Variants in GDPD4 observed in about 807,000 individuals in gnomAD.
GDPD4 encodes the protein glycerophosphodiester phosphodiesterase domain containing 4.
A neutral mutation model predicts 67.8 loss-of-function variants in GDPD4; 60 were observed. The ratio of observed to expected loss-of-function variants is 0.88; its 90% CI spans 0.72 to 1.10. The LOEUF (loss-of-function observed/expected upper bound fraction) is 1.10, where lower values mean the gene tolerates loss of function less well. GDPD4 is among the 50% of genes least tolerant of loss of function. GDPD4 has a pLI of 0.00. For synonymous variants in GDPD4, 212 were observed against 210.9 expected (o/e 1.00, Z -0.04); for missense variants, 623 against 613.9 (o/e 1.01, Z -0.16).
intron 10 of GDPD4, among the ~76,000 whole-genome samples, chr11:77,258,938 C>G (rs188027671): frequency 2.0e-4 from 30 of 152,238 alleles, no homozygotes; most frequent in Non-Finnish European, 2.2e-4. Context: ...TGATCCTTTC[C>G]CAGCTAGGCA....
rs1959112409 is a variant in GDPD4 at position 77,261,286 on chromosome 11, G to A, written c.708-2744C>T. Among the ~76,000 whole-genome samples the A allele has an allele frequency of 2.0e-5, 3 of 151,600 alleles. No homozygotes were observed. In the South Asian group the frequency reaches 6.2e-4, roughly 32 times the overall value. On this transcript the variant is annotated intron_variant, in intron 10 of 16. Transcript: ENST00000315938. Reference sequence around the variant, plus strand: ...AGAATCTTACTCTGTCACCCAGGCTGGAGTGTAGCGGTGCCATCTCAGTTC... The same window carrying A: ...AGAATCTTACTCTGTCACCCAGGCTAGAGTGTAGCGGTGCCATCTCAGTTC...
Position 77,268,927 on chromosome 11 carries a change from G to A in GDPD4, c.621C>T (p.Pro207=), listed in dbSNP as rs763758349. The change falls in exon 9 of 17, where the codon CCC becomes CCT. Residue 207 remains proline (P), a synonymous_variant. Transcript: ENST00000315938. ...KPTIFGHRGA[P]MLGPENTMMS... ...TGTTCATCATGCTCAGACCTACCAT[G>A]GGTGCACCTCTATGTCCAAAGATGG... is the stretch of plus-strand genomic sequence containing the variant. 3 of 1,613,788 alleles carry A rather than the reference G, an allele frequency of 1.9e-6. No individual in the cohort carries two copies. The highest frequency in any genetic ancestry group is 2.5e-6 in the Non-Finnish European group (3 of 1,179,858).
chr11:77,261,529 C>T (rs902005630), intron 10 of GDPD4, among the ~76,000 whole-genome samples: 6 of 152,196 alleles, frequency 3.9e-5, no homozygotes, highest in Admixed American at 6.5e-5. Flanking sequence ...TGAGCCACCA[C>T]GCCCAGCCAA....
intron 11 of GDPD4, among the ~76,000 whole-genome samples, chr11:77,253,382 A>G (rs1958943548): frequency 1.3e-5 from 2 of 152,152 alleles, no homozygotes; most frequent in Non-Finnish European, 2.9e-5. Flanking sequence ...AGACTCTGTG[A>G]GGCCAAGTGC....
In GDPD4 at chr11:77,227,074, G is replaced by A. The variant is rs58013937; in HGVS notation, c.1525+790C>T. ...GCGGAAGGAAATTATATCCCACACC[G>A]CGCAGTCTTCTGCCTCCTAATTGGT... On this transcript the variant is annotated intron_variant, in intron 16 of 16. Transcript: ENST00000315938. 7.5e-4 allele frequency among the ~76,000 whole-genome samples: 114 copies of A among 152,142 alleles called. 5 individuals are homozygous for A. The East Asian group carries it at 0.019, about 26-fold the overall frequency.
intron 11 of GDPD4, among the ~76,000 whole-genome samples, chr11:77,248,665 T>C (rs539842178): frequency 2.0e-5 from 3 of 152,158 alleles, no homozygotes; most frequent in Non-Finnish European, 4.4e-5. Flanking sequence ...TTTGAGACCA[T>C]TGTCAGAAGA....
Position 77,227,929 on chromosome 11 carries a change from A to C in GDPD4, c.1473-13T>G. On this transcript the variant is annotated splice_polypyrimidine_tract_variant and intron_variant, in intron 15 of 16. Coordinates refer to ENST00000315938, the MANE Select transcript of GDPD4 (RefSeq NM_182833.3). The stretch of plus-strand genomic sequence containing the variant: ...AGTCTCTCTCCGCCTAGAAGGAAGC[A>C]GACCATCCATGAAATGAAGGGGTCT... 1 of 1,602,602 alleles carries C rather than the reference A, an allele frequency of 6.2e-7. No individual in the cohort carries two copies. The highest frequency in any genetic ancestry group is 8.5e-7 in the Non-Finnish European group (1 of 1,169,668).
At position 77,268,493 on chromosome 11, in the gene GDPD4, T is replaced by C. The variant is rs1336021161; in HGVS notation, c.671A>G (p.His224Arg). Residue 224 changes from histidine (H) to arginine (R), a missense_variant, in exon 10 of 17, where the codon CAT (histidine) becomes CGT (arginine). Transcript: ENST00000315938. ...ATCAGTCTCCAATCCATGGGCTCCA[T>C]GTTCAACAGCTTTCTCAAAGGACAT... is the stretch of plus-strand genomic sequence containing the variant. ...TMMSFEKAVE[H>R]GAHGLETDIH... 2.5e-6 allele frequency: 4 copies of C among 1,613,284 alleles called. No individual in the cohort carries two copies. In the East Asian group the frequency reaches 6.7e-5, roughly 27 times the overall value.
intron 8 of GDPD4, 124 bp from the exon 9 acceptor site, chr11:77,269,193 G>T: frequency 1.3e-6 from 1 of 752,242 alleles, no homozygotes; most frequent in Non-Finnish European, 2.1e-6. Context: ...CTGTGTACTG[G>T]CTAATTTACT....
chr11:77,249,289 C>G (rs143641667), intron 11 of GDPD4, among the ~76,000 whole-genome samples: 2,361 of 145,256 alleles, frequency 0.016, 21 homozygotes, highest in African/African-American at 0.026. Context: ...AAAAAATTAG[C>G]AAGCTACTTT....
At chr11:77,221,478 T>G (rs183231723) in intron 16 of GDPD4, among the ~76,000 whole-genome samples, 2 of 152,312 alleles carry the variant, frequency 1.3e-5, no homozygotes, top group Admixed American at 6.5e-5. Context: ...TCTGCCTTCA[T>G]TTCGTTATGT....
chr11:77,236,386 A>C (rs567321160), intron 13 of GDPD4, among the ~76,000 whole-genome samples: 19 of 152,056 alleles, frequency 1.2e-4, no homozygotes, highest in Non-Finnish European at 1.9e-4. Context: ...TCCTGTGTCC[A>C]AGTGTTCTCA....
intron 1 of GDPD4, among the ~76,000 whole-genome samples, chr11:77,290,545 GA>G (rs200657845): frequency 0.013 from 1,988 of 150,586 alleles, 16 homozygotes; most frequent in Middle Eastern, 0.017. Context: ...AAATTAAGAA[GA>G]AAAAAAAATT....
chr11:77,253,590 C>T (rs190717848), intron 11 of GDPD4, among the ~76,000 whole-genome samples: 9 of 152,154 alleles, frequency 5.9e-5, no homozygotes, highest in Admixed American at 5.9e-4. Context: ...GGTTTGTTTC[C>T]CTGGGATGAA....
chr11:77,245,248 CA>C, intron 12 of GDPD4, 32 bp downstream of exon 12: 2 of 1,561,510 alleles, frequency 1.3e-6, no homozygotes, highest in Non-Finnish European at 1.8e-6. Flanking sequence ...ACCCACCTCC[CA>C]ACCTATGTCA....
At chr11:77,295,432 G>C (rs1315310958) in intron 1 of GDPD4, among the ~76,000 whole-genome samples, 1 of 151,922 alleles carries the variant, frequency 6.6e-6, no homozygotes, top group Non-Finnish European at 1.5e-5. Flanking sequence ...AGGAATTTGA[G>C]ACCAGCCTGG....
chr11:77,257,915 T>C (rs2135858424), intron 11 of GDPD4, among the ~76,000 whole-genome samples: 1 of 152,354 alleles, frequency 6.6e-6, no homozygotes, highest in Middle Eastern at 3.4e-3. Context: ...CAATGTACAG[T>C]AACTGTCTGT....
Position 77,219,679 on chromosome 11 carries a change from G to C in GDPD4, c.1526-2365C>G, listed in dbSNP as rs540463914. Among the ~76,000 whole-genome samples, 3 of 152,306 alleles carry C rather than the reference G, an allele frequency of 2.0e-5. No individual in the cohort carries two copies. The South Asian group carries it at 6.2e-4, about 32-fold the overall frequency. ...TTTTTGTCAGGTTTGTCAAAGATCA[G>C]ATGGTTATAGATGTGTGGTGTTATA... On this transcript the variant is annotated intron_variant, in intron 16 of 16. Coordinates refer to ENST00000315938, the MANE Select transcript of GDPD4 (RefSeq NM_182833.3).
At chr11:77,243,669 A>G in intron 13 of GDPD4, 25 bp downstream of exon 13, 1 of 1,596,244 alleles carries the variant, frequency 6.3e-7, no homozygotes, top group Non-Finnish European at 8.6e-7. Context: ...AATATGTGCC[A>G]AGAGAGGTGT....
Sources: allele counts gnomAD v4.1 joint callset (sites outside exome capture counted in the v4.1 genomes callset), GRCh38; gene constraint gnomAD v4.1.1; transcripts MANE v1.5; gene names NCBI Gene and HGNC (gene_info 2026-07-23, HGNC 2026-07-21).